The following ORC3 variants were observed in gnomAD, a reference collection of about 807,000 sequenced individuals.
ORC3 encodes the protein homolog of latheo, Drosophila.
Under a neutral mutation model 100.7 loss-of-function variants are expected in ORC3, and 78 were observed. The observed-to-expected ratio is 0.77, with a 90% CI of 0.65 to 0.94. ORC3 has a LOEUF of 0.94. Ranked by LOEUF, ORC3 falls within the 40% of genes least tolerant of loss-of-function variation. ORC3 has a pLI of 0.00. For missense variants in ORC3, 789 were observed against 823.9 expected (o/e 0.96, Z 0.52); for synonymous variants, 295 against 289.3 (o/e 1.02, Z -0.20).
intron 2 of ORC3, 195 bp downstream of exon 2, chr6:87,594,602 C>CAA (rs1777292145): frequency 1.6e-6 from 2 of 1,236,042 alleles, no homozygotes; most frequent in East Asian, 6.2e-5. Context: ...AATCCAATTA[C>CAA]ACCTTCCAAA....
intron 19 of ORC3, among the ~76,000 whole-genome samples, chr6:87,666,585 C>T (rs1770657977): frequency 6.6e-6 from 1 of 151,500 alleles, no homozygotes; most frequent in African/African-American, 2.4e-5. Flanking sequence ...ATTACAGGCG[C>T]CTGCCACCAT....
At chr6:87,673,147 A>G in the ORC3 span, among the ~76,000 whole-genome samples, 1 of 144,292 alleles carries the variant, frequency 6.9e-6, no homozygotes, top group African/African-American at 2.6e-5. Flanking sequence ...TGGAGCAAAA[A>G]AAAAAAATTT....
chr6:87,624,742 G>A (rs1367139154), intron 11 of ORC3, among the ~76,000 whole-genome samples: 2 of 151,954 alleles, frequency 1.3e-5, no homozygotes, highest in African/African-American at 4.8e-5. Context: ...TATGCGCAAC[G>A]TGCAGGTTTG....
At chr6:87,636,262 T>G in intron 12 of ORC3, 145 bp from the exon 13 acceptor site, 22 of 582,132 alleles carry the variant, frequency 3.8e-5, no homozygotes, top group Non-Finnish European at 4.6e-5. Flanking sequence ...GCCTGATCCA[T>G]GAGATATATG....
intron 7 of ORC3, 25 bp from the exon 8 acceptor site, chr6:87,612,063 CT>C (rs2307378): frequency 0.014 from 21,888 of 1,599,256 alleles, 196 homozygotes; most frequent in Non-Finnish European, 0.016. Flanking sequence ...ATAAATTTCA[CT>C]TTTGTGTCTG....
chr6:87,676,009 C>G, the ORC3 span: 2 of 1,199,886 alleles, frequency 1.7e-6, no homozygotes, highest in Non-Finnish European at 1.2e-6. Flanking sequence ...ACAAAATATA[C>G]AGTAAAACAA....
chr6:87,671,649 A>G (rs894251530), downstream of ORC3, among the ~76,000 whole-genome samples: 4 of 152,172 alleles, frequency 2.6e-5, no homozygotes, highest in Non-Finnish European at 5.9e-5. Context: ...CAAGACAGAG[A>G]AGGAGCAGCC....
At chr6:87,605,843 T>TA in intron 4 of ORC3, 74 bp from the exon 5 acceptor site, 1 of 778,892 alleles carries the variant, frequency 1.3e-6, no homozygotes, top group South Asian at 1.7e-5. Flanking sequence ...GTTTGCTTGA[T>TA]ATGTTAAATA....
intron 1 of ORC3, among the ~76,000 whole-genome samples, chr6:87,591,894 G>A (rs1179960609): frequency 1.3e-5 from 2 of 152,086 alleles, no homozygotes; most frequent in Non-Finnish European, 2.9e-5. Context: ...ACTACACCCA[G>A]CTAATTTTGT....
intron 15 of ORC3, among the ~76,000 whole-genome samples, chr6:87,657,410 C>A (rs1769801831): frequency 6.6e-6 from 1 of 152,132 alleles, no homozygotes; most frequent in Admixed American, 6.5e-5. Flanking sequence ...AGAAATTGAG[C>A]CACAGTATAT....
intron 13 of ORC3, among the ~76,000 whole-genome samples, chr6:87,639,062 T>C (rs1198959087): frequency 6.6e-6 from 1 of 152,066 alleles, no homozygotes; most frequent in Non-Finnish European, 1.5e-5. Context: ...GTGTAGAAGG[T>C]GTATTTGAAA....
chr6:87,643,344 G>A lies in ORC3; in HGVS notation c.1382+6858G>A, dbSNP rs75689649. On this transcript the variant is annotated intron_variant, in intron 13 of 19. Coordinates refer to ENST00000392844, the MANE Select transcript of ORC3 (RefSeq NM_012381.4). The stretch of plus-strand genomic sequence containing the variant: ...GGAATTTGCATTTAACAAGCACTCT[G>A]GCACATTCAGACAGATGACCCAGGA... Among the ~76,000 whole-genome samples, 377 of 151,822 alleles carry A rather than the reference G, an allele frequency of 2.5e-3. 1 individual carries two copies. The highest frequency in any genetic ancestry group is 8.8e-3 in the African/African-American group (365 of 41,362).
intron 7 of ORC3, among the ~76,000 whole-genome samples, chr6:87,611,529 G>C (rs1009982319): frequency 2.6e-5 from 4 of 152,186 alleles, no homozygotes; most frequent in African/African-American, 9.7e-5. Context: ...GCTCACGCCT[G>C]TAATCCCAGC....
At chr6:87,608,874 TG>T (rs773828833) in intron 6 of ORC3, among the ~76,000 whole-genome samples, 16,361 of 152,204 alleles carry the variant, frequency 0.11, 931 homozygotes, top group East Asian at 0.15. Context: ...ATATTTCATA[TG>T]AGTTATAGAT....
chr6:87,591,219 AGTAAGACCTTGAGTTCTATT>A (rs1372148177), intron 1 of ORC3, among the ~76,000 whole-genome samples: 2 of 152,340 alleles, frequency 1.3e-5, no homozygotes, highest in Non-Finnish European at 2.9e-5. Flanking sequence ...GACCACAAAA[AGTAAGACCTTGAGTTCTATT>A]GTAAGTGCAG....
chr6:87,651,306 AC>A, intron 13 of ORC3: 1 of 456,068 alleles, frequency 2.2e-6, no homozygotes, highest in South Asian at 1.5e-5. Context: ...GCAGAACCTC[AC>A]CCGTCTTTCC....
At chr6:87,660,997 A>G (rs1328221706) in intron 16 of ORC3, among the ~76,000 whole-genome samples, 2 of 152,236 alleles carry the variant, frequency 1.3e-5, no homozygotes, top group Non-Finnish European at 2.9e-5. Context: ...TTCTTTGAGG[A>G]TATCTAGAGA....
intron 2 of ORC3, among the ~76,000 whole-genome samples, chr6:87,599,608 C>T (rs1185427225): frequency 2.0e-5 from 3 of 151,936 alleles, no homozygotes; most frequent in Admixed American, 6.5e-5. Context: ...GCTAATGAAC[C>T]GCCCACCTTG....
intron 11 of ORC3, among the ~76,000 whole-genome samples, chr6:87,631,415 A>C (rs1767399684): frequency 6.6e-6 from 1 of 152,218 alleles, no homozygotes. Context: ...GAAAAATTTA[A>C]CATATGGAAA....
Sources: allele counts gnomAD v4.1 joint callset (sites outside exome capture counted in the v4.1 genomes callset), GRCh38; gene constraint gnomAD v4.1.1; transcripts MANE v1.5; gene names NCBI Gene and HGNC (gene_info 2026-07-23, HGNC 2026-07-21).